The following TMC2 variants were observed in gnomAD, a reference collection of about 807,000 sequenced individuals.
The protein encoded by TMC2 is transmembrane channel like 2, also known as transmembrane channel-like protein 2.
Under a neutral mutation model 105.9 loss-of-function variants are expected in TMC2, and 102 were observed. The observed-to-expected ratio is 0.96, with a 90% CI of 0.82 to 1.14. TMC2 has a LOEUF of 1.14. TMC2 is among the 50% of genes most tolerant of loss of function. TMC2 has a pLI of 0.00. For missense variants in TMC2, 1,093 were observed against 1,134.3 expected (o/e 0.96, Z 0.52); for synonymous variants, 402 against 422.8 (o/e 0.95, Z 0.60).
In TMC2 at chr20:2,598,394, C is replaced by CTTTATTTATTTATTTA. The variant is rs71193979; in HGVS notation, c.1224+1119_1224+1134dup. Among the ~76,000 whole-genome samples, 89 of 139,960 alleles carry CTTTATTTATTTATTTA rather than the reference C, an allele frequency of 6.4e-4. 2 individuals are homozygous for CTTTATTTATTTATTTA. Among genetic ancestry groups the CTTTATTTATTTATTTA allele is most frequent in the East Asian group, 4.1e-3 (19 of 4,664 alleles). 91.8% of individuals were successfully genotyped at this position (139,960 alleles called of 152,430 possible). A position where few individuals can be genotyped will look rare whatever the true frequency, so the allele number is the denominator to read the frequency against. ...GGTTCCTTCACAGACCTTGCCTCTACTTTATTTATTTATTTATTTATTTAT... is the reference window on the plus strand; with the variant it reads ...GGTTCCTTCACAGACCTTGCCTCTACTTTATTTATTTATTTATTTATTTATTTATTTATTTATTTAT... On this transcript the variant is annotated intron_variant, in intron 10 of 19. Coordinates refer to ENST00000358864, the MANE Select transcript of TMC2 (RefSeq NM_080751.3).
intron 16 of TMC2, among the ~76,000 whole-genome samples, chr20:2,621,043 G>A (rs1347408358): frequency 2.0e-5 from 3 of 152,120 alleles, no homozygotes; most frequent in African/African-American, 7.2e-5. Context: ...TTAGCCAGGT[G>A]GGCCCTAAGT....
intron 11 of TMC2, among the ~76,000 whole-genome samples, chr20:2,608,301 T>TTATTAA (rs1300736552): frequency 5.6e-4 from 7 of 12,476 alleles, no homozygotes; most frequent in Non-Finnish European, 1.3e-3. Context: ...TTATTTTTAT[T>TTATTAA]TATTATTATT....
At chr20:2,547,628 G>A (rs2085933155) in intron 2 of TMC2, among the ~76,000 whole-genome samples, 1 of 152,054 alleles carries the variant, frequency 6.6e-6, no homozygotes, top group African/African-American at 2.4e-5. Flanking sequence ...GGTAGTCTTA[G>A]GTAAAAAGGT....
At chr20:2,600,422 A>C (rs1025491201) in intron 10 of TMC2, among the ~76,000 whole-genome samples, 6 of 152,220 alleles carry the variant, frequency 3.9e-5, no homozygotes, top group Admixed American at 2.0e-4. Context: ...TCATGCCTGT[A>C]ATCCCAGCAC....
Position 2,558,353 on chromosome 20 carries a change from A to G in TMC2, c.83-103A>G, listed in dbSNP as rs879723044. On this transcript the variant is annotated intron_variant, in intron 2 of 19. Transcript: ENST00000358864. The surrounding 1 kb of genome is among the most constrained non-coding windows in gnomAD (Gnocchi z 4.6). The stretch of plus-strand genomic sequence containing the variant: ...TGTTCTGAGCCCCGCAGAGCTCACA[A>G]GCTCTCGGAATCATCTTGGACGTCT... 45 of 1,510,864 alleles carry G rather than the reference A, an allele frequency of 3.0e-5. No homozygotes were observed. The highest frequency in any genetic ancestry group is 3.9e-5 in the Non-Finnish European group (44 of 1,128,346). The allele number at this position is 1,510,864 out of a possible 1,614,324, so 93.6% of individuals were successfully genotyped here.
chr20:2,594,284 C>A (rs997635334), intron 8 of TMC2, among the ~76,000 whole-genome samples: 2 of 143,270 alleles, frequency 1.4e-5, no homozygotes, highest in Non-Finnish European at 3.0e-5. Context: ...CTGGAGTGCA[C>A]GGGCATGATC....
intron 2 of TMC2, among the ~76,000 whole-genome samples, chr20:2,554,557 C>G: frequency 6.6e-6 from 1 of 152,098 alleles, no homozygotes; most frequent in East Asian, 1.9e-4. Context: ...ATCTTCTTTT[C>G]TAATAGATAC....
chr20:2,625,173 T>A (rs1199008318), intron 17 of TMC2, among the ~76,000 whole-genome samples: 3 of 152,226 alleles, frequency 2.0e-5, no homozygotes, highest in Non-Finnish European at 2.9e-5. Flanking sequence ...GTAAAAATGT[T>A]AGCATTTTTT....
At position 2,586,351 on chromosome 20, in the gene TMC2, G is replaced by A. The variant is rs75729069; in HGVS notation, c.835-5959G>A. On this transcript the variant is annotated intron_variant, in intron 7 of 19. Transcript: ENST00000358864. ...TGTTCAAACAGGAGAAAAATGGGAG[G>A]CACAAAGGAGTTATTGGCCCATAGC... 3.9e-4 allele frequency among the ~76,000 whole-genome samples: 60 copies of A among 152,258 alleles called. No individual in the cohort carries two copies. The East Asian group carries it at 9.8e-3, about 25-fold the overall frequency.
rs1293068650 is a variant in TMC2 at position 2,642,715 on chromosome 20, G to A, written c.*1364G>A. Among the ~76,000 whole-genome samples the A allele has an allele frequency of 2.6e-5, 4 of 152,144 alleles. No homozygotes were observed. The highest frequency in any genetic ancestry group is 9.7e-5 in the African/African-American group (4 of 41,422). On this transcript the variant is annotated 3_prime_UTR_variant, in exon 20 of 20. Transcript: ENST00000358864. Reference sequence around the variant, plus strand: ...AGTCACAGTCCAGGACTCTGCAACAGCCCAGCTATCTTGCACACAGCTCCT... The same window carrying A: ...AGTCACAGTCCAGGACTCTGCAACAACCCAGCTATCTTGCACACAGCTCCT...
chr20:2,622,852 T>C (rs1455684005), intron 16 of TMC2, among the ~76,000 whole-genome samples: 1 of 152,190 alleles, frequency 6.6e-6, no homozygotes, highest in Non-Finnish European at 1.5e-5. Flanking sequence ...CTCAATGTTT[T>C]ATATCAATTC....
At chr20:2,602,375 T>C in intron 11 of TMC2, 74 bp downstream of exon 11, 6 of 1,150,346 alleles carry the variant, frequency 5.2e-6, no homozygotes, top group South Asian at 2.1e-5. Flanking sequence ...GCCATTCATT[T>C]CATTTATCGA....
At chr20:2,554,599 GC>G (rs1293789702) in intron 2 of TMC2, among the ~76,000 whole-genome samples, 1 of 152,104 alleles carries the variant, frequency 6.6e-6, no homozygotes, top group Non-Finnish European at 1.5e-5. Flanking sequence ...TCTAAGCACT[GC>G]TTTTGCTGCA....
At chr20:2,637,434 A>G in intron 18 of TMC2, 40 bp from the exon 19 acceptor site, 1 of 1,406,074 alleles carries the variant, frequency 7.1e-7, no homozygotes, top group Non-Finnish European at 1.0e-6. Flanking sequence ...TCAAAGACCC[A>G]TTTCCTGGGC....
intron 7 of TMC2, among the ~76,000 whole-genome samples, chr20:2,585,259 G>A (rs189215091): frequency 6.6e-6 from 1 of 152,166 alleles, no homozygotes; most frequent in Admixed American, 6.5e-5. Context: ...GGACATTTCA[G>A]TTGTTTCTAT....
chr20:2,589,704 C>T (rs2086255792), intron 7 of TMC2, among the ~76,000 whole-genome samples: 1 of 152,178 alleles, frequency 6.6e-6, no homozygotes, highest in Admixed American at 6.5e-5. Flanking sequence ...AAGTCTCCCT[C>T]TGTCTCCCAG....
At chr20:2,608,339 A>T (rs552028119) in intron 11 of TMC2, among the ~76,000 whole-genome samples, 1 of 141,384 alleles carries the variant, frequency 7.1e-6, no homozygotes, top group South Asian at 2.2e-4. Context: ...TATTATTATT[A>T]TTATTTGAGA....
Position 2,616,092 on chromosome 20 carries a change from C to CTT in TMC2, c.1873-36_1873-35dup, listed in dbSNP as rs35949406. ...GGTTTGGCTGAATTCACCAAACGTG[C>CTT]TTTTTTTTTTCTCTCTCTCTCTCGC... On this transcript the variant is annotated intron_variant, in intron 14 of 19. Transcript: ENST00000358864. This position sits in a 1 kb window ranked among gnomAD's most constrained non-coding sequence, Gnocchi z 4.8. 12 of 1,436,624 alleles carry CTT rather than the reference C, an allele frequency of 8.4e-6. No homozygotes were observed. Among genetic ancestry groups the CTT allele is most frequent in the South Asian group, 3.6e-5 (3 of 82,396 alleles). 89.0% of individuals were successfully genotyped at this position (1,436,624 alleles called of 1,614,324 possible). A position where few individuals can be genotyped will look rare whatever the true frequency, so the allele number is the denominator to read the frequency against.
At chr20:2,566,559 A>G (rs1341072086) in intron 4 of TMC2, among the ~76,000 whole-genome samples, 1 of 152,158 alleles carries the variant, frequency 6.6e-6, no homozygotes, top group East Asian at 1.9e-4. Context: ...AAACTACCCA[A>G]ACTGCTTTCT....
Sources: gnomAD v4.1 joint callset for allele counts (sites outside exome capture counted in the v4.1 genomes callset) on GRCh38, gnomAD v4.1.1 for gene constraint, Gnocchi (gnomAD v3.1) non-coding constraint, MANE v1.5 for transcripts, NCBI Gene and HGNC (gene_info 2026-07-23, HGNC 2026-07-21) for gene names.